The following CORO7 variants were observed in gnomAD, a reference collection of about 807,000 sequenced individuals.
The protein encoded by CORO7 is coronin 7.
Under a neutral mutation model 126.6 loss-of-function variants are expected in CORO7, and 107 were observed. That is an observed-to-expected ratio of 0.85 (90% confidence interval 0.72 to 0.99). The LOEUF is 0.99. CORO7 is among the 50% of genes least tolerant of loss of function. The pLI is 0.00. For synonymous variants in CORO7, 603 were observed against 536.8 expected, an observed-to-expected ratio of 1.12 and a Z score of -1.70; for missense variants, 1,314 against 1,255.8, an observed-to-expected ratio of 1.05 and a Z score of -0.70.
chr16:4,379,902 A>G (rs8050113), intron 9 of CORO7, among the ~76,000 whole-genome samples: 1 of 135,270 alleles, frequency 7.4e-6, no homozygotes, highest in Non-Finnish European at 1.7e-5. Context: ...AAAAAAAAAT[A>G]CAAAAATTAG....
chr16:4,389,412 AC>A (rs2055309250), intron 7 of CORO7, among the ~76,000 whole-genome samples: 1 of 151,944 alleles, frequency 6.6e-6, no homozygotes, highest in African/African-American at 2.4e-5. Context: ...GAGACGAAGG[AC>A]CCTGTTACCA....
At chr16:4,374,974 G>A (rs1379613820) in intron 9 of CORO7, among the ~76,000 whole-genome samples, 1 of 152,050 alleles carries the variant, frequency 6.6e-6, no homozygotes, top group Non-Finnish European at 1.5e-5. Context: ...CCCGTGTGAG[G>A]GCCCAGCCCT....
chr16:4,382,399 C>T (rs750273688), intron 9 of CORO7: 2 of 1,611,998 alleles, frequency 1.2e-6, no homozygotes, highest in Non-Finnish European at 1.7e-6. Context: ...TGATAAGCGG[C>T]TGGTGACGCT....
At chr16:4,389,729 C>T (rs1026254100) in intron 7 of CORO7, among the ~76,000 whole-genome samples, 15 of 152,232 alleles carry the variant, frequency 9.9e-5, no homozygotes, top group Admixed American at 2.6e-4. Context: ...GGACAAGGGT[C>T]GAGCCATTGG....
intron 9 of CORO7, chr16:4,382,761 G>A (rs761665061): frequency 1.9e-6 from 3 of 1,563,628 alleles, no homozygotes; most frequent in Non-Finnish European, 1.7e-6. Context: ...AGGGAGTGAA[G>A]GTCCCCTTGG....
Position 4,383,829 on chromosome 16 carries a change from G to T in CORO7, c.785+4157C>A, listed in dbSNP as rs1400019450. On this transcript the variant is annotated intron_variant, in intron 9 of 27. Coordinates refer to ENST00000251166, the MANE Select transcript of CORO7 (RefSeq NM_024535.5). ...TGGGAGAGGCTTGTGGCACATGTGG[G>T]GCCAGGTGAGTCCCTTGTGGGTTGG... Among the ~76,000 whole-genome samples, 3 of 152,364 alleles carry T rather than the reference G, an allele frequency of 2.0e-5. 1 individual carries two copies. The highest frequency in any genetic ancestry group is 1.3e-4 in the Admixed American group (2 of 15,310).
At chr16:4,386,551 G>T (rs146524852) in intron 9 of CORO7, among the ~76,000 whole-genome samples, 1 of 152,184 alleles carries the variant, frequency 6.6e-6, no homozygotes, top group Non-Finnish European at 1.5e-5. Flanking sequence ...GATCCTAGAC[G>T]TGGAGTCTGA....
chr16:4,381,343 C>A (rs935823713), intron 9 of CORO7: 1 of 1,607,238 alleles, frequency 6.2e-7, no homozygotes, highest in African/African-American at 1.3e-5. Context: ...GCTCAAGCTG[C>A]AGGACAACGA....
At chr16:4,396,747 G>T (rs954377907) in intron 6 of CORO7, among the ~76,000 whole-genome samples, 6 of 152,150 alleles carry the variant, frequency 3.9e-5, no homozygotes, top group Admixed American at 3.9e-4. Flanking sequence ...CAGGCATGGT[G>T]GCTCACGCCT....
At chr16:4,366,486 A>T (rs1298458196) in intron 9 of CORO7, among the ~76,000 whole-genome samples, 1 of 148,988 alleles carries the variant, frequency 6.7e-6, no homozygotes, top group Non-Finnish European at 1.5e-5. Flanking sequence ...ACTCTGACAG[A>T]TGCCCAGATG....
intron 5 of CORO7, among the ~76,000 whole-genome samples, chr16:4,405,826 T>C (rs762942163): frequency 1.0e-4 from 15 of 149,180 alleles, no homozygotes; most frequent in Non-Finnish European, 1.7e-4. Flanking sequence ...GGCTCTCTCA[T>C]CCCTCCCAGG....
chr16:4,362,979 G>A lies in CORO7; in HGVS notation c.1276-241C>T, dbSNP rs983821420. The stretch of plus-strand genomic sequence containing the variant: ...TGCTGGCTCCCAGCCCTGCAGGAGG[G>A]TGTGCCCAGTGGGTTAGATCTGCCA... On this transcript the variant is annotated intron_variant, in intron 14 of 27. Transcript: ENST00000251166. This position sits in a 1 kb window ranked among gnomAD's most constrained non-coding sequence, Gnocchi z 5.3. 15 of 397,292 alleles carry A rather than the reference G, an allele frequency of 3.8e-5. No homozygotes were observed. Among genetic ancestry groups the A allele is most frequent in the Non-Finnish European group, 6.2e-5 (14 of 227,382 alleles). The allele number at this position is 397,292 out of a possible 1,614,324, so 24.6% of individuals were successfully genotyped here.
intron 14 of CORO7, among the ~76,000 whole-genome samples, chr16:4,363,951 G>A (rs922653993): frequency 2.0e-4 from 31 of 151,680 alleles, no homozygotes; most frequent in Admixed American, 1.7e-3. Context: ...CCCAAGAGGC[G>A]GAGATTGCAG....
intron 1 of CORO7, chr16:4,415,751 G>C (rs2056385198): frequency 1.0e-6 from 1 of 985,382 alleles, no homozygotes. Context: ...AGCTGACATC[G>C]TTTCCAAGGC....
chr16:4,380,807 C>T (rs1169240629), intron 9 of CORO7: 4 of 1,405,438 alleles, frequency 2.8e-6, no homozygotes, highest in Non-Finnish European at 3.7e-6. Context: ...CTCTTCCTGG[C>T]GTGTCTGCCT....
intron 9 of CORO7, among the ~76,000 whole-genome samples, chr16:4,373,165 C>G (rs2054594856): frequency 6.6e-6 from 1 of 152,104 alleles, no homozygotes; most frequent in Non-Finnish European, 1.5e-5. Context: ...GAGCAGTCCC[C>G]TGAGTTTACT....
intron 6 of CORO7, among the ~76,000 whole-genome samples, chr16:4,402,484 T>G (rs1355570423): frequency 1.3e-5 from 2 of 150,836 alleles, no homozygotes; most frequent in African/African-American, 4.9e-5. Flanking sequence ...TGGGCTCAAG[T>G]GATCCTCCCA....
At position 4,380,917 on chromosome 16, in the gene CORO7, C is replaced by T. The variant is rs74644675; in HGVS notation, c.785+7069G>A. 168 of 1,570,372 alleles carry T rather than the reference C, an allele frequency of 1.1e-4. No individual in the cohort carries two copies. The East Asian group carries it at 3.5e-3, about 33-fold the overall frequency. On this transcript the variant is annotated intron_variant, in intron 9 of 27. Coordinates refer to ENST00000251166, the MANE Select transcript of CORO7 (RefSeq NM_024535.5). ...CCCTCTGCTGCTGCCGCTGCTCCTGCTACTGGCCCTGGGGCCTGGGGTGCA... is the reference window on the plus strand; with the variant it reads ...CCCTCTGCTGCTGCCGCTGCTCCTGTTACTGGCCCTGGGGCCTGGGGTGCA...
chr16:4,416,016 G>A (rs1397286214), intron 1 of CORO7: 3 of 422,816 alleles, frequency 7.1e-6, no homozygotes, highest in African/African-American at 4.3e-5. Flanking sequence ...GGGGCCAGAG[G>A]AGAGAGGGGC....
Sources: gnomAD v4.1 joint callset for allele counts (sites outside exome capture counted in the v4.1 genomes callset) on GRCh38, gnomAD v4.1.1 for gene constraint, Gnocchi (gnomAD v3.1) non-coding constraint, MANE v1.5 for transcripts, NCBI Gene and HGNC (gene_info 2026-07-23, HGNC 2026-07-21) for gene names.